Variants in SYNDIG1L observed in about 807,000 individuals in gnomAD.
SYNDIG1L encodes synapse differentiation inducing 1 like, also known as synapse differentiation-inducing gene protein 1-like.
Under a neutral mutation model 20.1 loss-of-function variants are expected in SYNDIG1L, and 13 were observed. The observed-to-expected ratio is 0.65, with a 90% CI of 0.42 to 1.03. The LOEUF is 1.03. Ranked by LOEUF, SYNDIG1L falls within the 50% of genes least tolerant of loss-of-function variation. The pLI, the probability that SYNDIG1L is intolerant of heterozygous loss-of-function variation, is 0.00. For synonymous variants in SYNDIG1L, 128 were observed against 129.3 expected, an observed-to-expected ratio of 0.99 and a Z score of 0.07; for missense variants, 294 against 305.1, an observed-to-expected ratio of 0.96 and a Z score of 0.27.
At chr14:74,431,226 T>C in the SYNDIG1L span, among the ~76,000 whole-genome samples, 1 of 152,084 alleles carries the variant, frequency 6.6e-6, no homozygotes, top group Non-Finnish European at 1.5e-5. Flanking sequence ...TGTGTGTATT[T>C]TTGCATGTGC....
the SYNDIG1L span, among the ~76,000 whole-genome samples, chr14:74,471,246 C>T: frequency 1.6e-4 from 25 of 152,220 alleles, no homozygotes; most frequent in Non-Finnish European, 2.6e-4. Context: ...CAGAGAGACA[C>T]GGAAGTAGTT....
chr14:74,412,185 T>G (rs2086136514), intron 1 of SYNDIG1L, among the ~76,000 whole-genome samples: 2 of 152,150 alleles, frequency 1.3e-5, no homozygotes, highest in African/African-American at 4.8e-5. Flanking sequence ...TTCCAGCAGG[T>G]GGGGAGCACA....
the SYNDIG1L span, among the ~76,000 whole-genome samples, chr14:74,433,628 G>A: frequency 2.0e-5 from 3 of 152,030 alleles, no homozygotes; most frequent in African/African-American, 7.2e-5. Flanking sequence ...CAGGTGATCC[G>A]CCCACCTCAG....
chr14:74,478,423 T>C, the SYNDIG1L span, among the ~76,000 whole-genome samples: 1 of 152,242 alleles, frequency 6.6e-6, no homozygotes, highest in Non-Finnish European at 1.5e-5. Context: ...ATGTAAATTA[T>C]TTCCAAAATA....
chr14:74,460,168 C>T, the SYNDIG1L span, among the ~76,000 whole-genome samples: 1 of 152,082 alleles, frequency 6.6e-6, no homozygotes, highest in Non-Finnish European at 1.5e-5. Flanking sequence ...TGGCAGACTC[C>T]GGATCAGCAA....
In SYNDIG1L at chr14:74,416,072, G is replaced by C. The variant is rs139641701; in HGVS notation, c.-57-6271C>G. Among the ~76,000 whole-genome samples the C allele has an allele frequency of 6.7e-3, 1,016 of 152,204 alleles. 7 individuals are homozygous for C. Among genetic ancestry groups the C allele is most frequent in the Non-Finnish European group, 0.012 (786 of 68,014 alleles). ...AGATGGGTAGTTGCTCAGGGCTGGGGGGAGAGGAGGGCATTGATTAGAAAG... is the reference window on the plus strand; with the variant it reads ...AGATGGGTAGTTGCTCAGGGCTGGGCGGAGAGGAGGGCATTGATTAGAAAG... On this transcript the variant is annotated intron_variant, in intron 1 of 3. Coordinates refer to ENST00000331628, the MANE Select transcript of SYNDIG1L (RefSeq NM_001105579.2).
chr14:74,418,514 C>T (rs1400284389), intron 1 of SYNDIG1L, among the ~76,000 whole-genome samples: 1 of 152,182 alleles, frequency 6.6e-6, no homozygotes, highest in Non-Finnish European at 1.5e-5. Flanking sequence ...TAAAACCTGG[C>T]TGCAAATAAT....
rs1367041810 is a variant in SYNDIG1L at position 74,411,106 on chromosome 14, C to T, written c.-57-1305G>A. Among the ~76,000 whole-genome samples the T allele has an allele frequency of 2.6e-5, 4 of 152,312 alleles. No individual in the cohort carries two copies. The East Asian group carries it at 5.8e-4, about 22-fold the overall frequency. ...CCTGCTGTCCCCCTCCTTGGCCCATCGCAAAGCTGGAGGGTGATGGGGCTG... is the reference window on the plus strand; with the variant it reads ...CCTGCTGTCCCCCTCCTTGGCCCATTGCAAAGCTGGAGGGTGATGGGGCTG... On this transcript the variant is annotated intron_variant, in intron 1 of 3. Coordinates refer to ENST00000331628, the MANE Select transcript of SYNDIG1L (RefSeq NM_001105579.2).
chr14:74,416,534 C>T (rs536774322), intron 1 of SYNDIG1L, among the ~76,000 whole-genome samples: 7 of 152,068 alleles, frequency 4.6e-5, no homozygotes, highest in East Asian at 1.9e-4. Flanking sequence ...CTTGGGAGGC[C>T]GAGGCGGGAG....
At chr14:74,438,792 AC>A in the SYNDIG1L span, among the ~76,000 whole-genome samples, 1 of 152,184 alleles carries the variant, frequency 6.6e-6, no homozygotes, top group East Asian at 1.9e-4. Context: ...ACTACCTGCC[AC>A]GTTCTGTACA....
At chr14:74,476,693 C>G in the SYNDIG1L span, 1 of 849,990 alleles carries the variant, frequency 1.2e-6, no homozygotes, top group Non-Finnish European at 1.8e-6. Context: ...GACCCTTGAG[C>G]CACCTATGCA....
the SYNDIG1L span, among the ~76,000 whole-genome samples, chr14:74,470,935 C>T: frequency 6.6e-6 from 1 of 152,134 alleles, no homozygotes; most frequent in Non-Finnish European, 1.5e-5. Flanking sequence ...TTCCCTGGGC[C>T]GGACAGTGAG....
chr14:74,416,653 A>AAC (rs1566583635), intron 1 of SYNDIG1L, among the ~76,000 whole-genome samples: 4 of 151,786 alleles, frequency 2.6e-5, no homozygotes, highest in Non-Finnish European at 5.9e-5. Context: ...AACAAACCAA[A>AAC]CAAACAAACA....
At position 74,409,731 on chromosome 14, in the gene SYNDIG1L, C is replaced by T. The variant is rs758922876; in HGVS notation, c.14G>A (p.Ser5Asn). Residue 5 changes from serine to asparagine, a missense_variant, in exon 2 of 4, where the codon AGT (serine) becomes AAT (asparagine). Coordinates refer to ENST00000331628, the MANE Select transcript of SYNDIG1L (RefSeq NM_001105579.2). ...GGGCAGCAGCGGGTTCTGTAGTTCA[C>T]TCAGACTCTCCATGGTTCTGGGGCA... MESL[S>N]ELQNPLLPRS... 27 of 1,457,042 alleles carry T rather than the reference C, an allele frequency of 1.9e-5. No individual in the cohort carries two copies. The highest frequency in any genetic ancestry group is 2.4e-5 in the Non-Finnish European group (26 of 1,102,934). The allele number at this position is 1,457,042 out of a possible 1,614,324, so 90.3% of individuals were successfully genotyped here.
At chr14:74,446,353 C>A in the SYNDIG1L span, among the ~76,000 whole-genome samples, 4 of 151,416 alleles carry the variant, frequency 2.6e-5, no homozygotes, top group East Asian at 3.9e-4. Flanking sequence ...AAATAAGCAC[C>A]AAAAAAATTA....
chr14:74,431,666 A>G, the SYNDIG1L span, among the ~76,000 whole-genome samples: 1 of 152,228 alleles, frequency 6.6e-6, no homozygotes, highest in African/African-American at 2.4e-5. Context: ...TCTACCCCAG[A>G]AATCTTACTC....
At chr14:74,418,290 C>T (rs1006232618) in intron 1 of SYNDIG1L, among the ~76,000 whole-genome samples, 4 of 152,152 alleles carry the variant, frequency 2.6e-5, no homozygotes, top group African/African-American at 9.7e-5. Context: ...GAGAAAGAGC[C>T]AGGGGTGGCG....
At chr14:74,428,571 G>A (rs1470005059), upstream of SYNDIG1L, among the ~76,000 whole-genome samples, 2 of 152,192 alleles carry the variant, frequency 1.3e-5, no homozygotes, top group Admixed American at 6.5e-5. Flanking sequence ...GATAAATGCT[G>A]TCATGGAGTA....
At chr14:74,432,140 GGTGT>G in the SYNDIG1L span, among the ~76,000 whole-genome samples, 2,383 of 120,992 alleles carry the variant, frequency 0.02, 55 homozygotes, top group African/African-American at 0.05. Flanking sequence ...TGCCTTGGAA[GGTGT>G]GTGTGTGTGT....
Sources: allele counts gnomAD v4.1 joint callset (sites outside exome capture counted in the v4.1 genomes callset), GRCh38; gene constraint gnomAD v4.1.1; transcripts MANE v1.5; gene names NCBI Gene and HGNC (gene_info 2026-07-23, HGNC 2026-07-21).